PRKCB: variants seen among roughly 807,000 people sequenced by gnomAD.
The protein encoded by PRKCB is protein kinase C beta type.
PRKCB carries 13 observed loss-of-function variants against 81.5 expected under a neutral mutation model. The ratio of observed to expected loss-of-function variants is 0.16; its 90% CI spans 0.10 to 0.25. PRKCB has a LOEUF of 0.25. Among genes scored for constraint, PRKCB ranks in the 10% least tolerant of loss-of-function variants. PRKCB has a pLI of 1.00. For missense variants in PRKCB, 509 were observed against 875.7 expected (o/e 0.58, Z 5.29); for synonymous variants, 335 against 321.4 (o/e 1.04, Z -0.45).
At chr16:24,210,444 C>G (rs978768382) in intron 16 of PRKCB, among the ~76,000 whole-genome samples, 1 of 152,054 alleles carries the variant, frequency 6.6e-6, no homozygotes, top group African/African-American at 2.4e-5. Context: ...GCTCAAAGGC[C>G]ATTTCCTCCA....
intron 3 of PRKCB, among the ~76,000 whole-genome samples, chr16:24,000,059 T>C (rs1596505000): frequency 6.6e-6 from 1 of 152,204 alleles, no homozygotes; most frequent in Non-Finnish European, 1.5e-5. Context: ...CAACACTTTT[T>C]AAGCCTTTGT....
intron 2 of PRKCB, among the ~76,000 whole-genome samples, chr16:23,946,181 G>T (rs1964202041): frequency 6.6e-6 from 1 of 152,184 alleles, no homozygotes; most frequent in South Asian, 2.1e-4. Flanking sequence ...TCACTTCACT[G>T]GGCTGTCAGA....
At chr16:23,905,059 TAAAA>T (rs10562833) in intron 2 of PRKCB, among the ~76,000 whole-genome samples, 3 of 138,406 alleles carry the variant, frequency 2.2e-5, no homozygotes, top group Admixed American at 7.2e-5. Context: ...TTTTTTTTAA[TAAAA>T]AAAAAATAGC....
chr16:23,914,775 G>A (rs1384659711), intron 2 of PRKCB, among the ~76,000 whole-genome samples: 1 of 152,156 alleles, frequency 6.6e-6, no homozygotes, highest in Non-Finnish European at 1.5e-5. Context: ...AGATGAAGGG[G>A]GAGGAGGCTG....
chr16:23,940,677 T>C (rs1275441939), intron 2 of PRKCB, among the ~76,000 whole-genome samples: 1 of 152,086 alleles, frequency 6.6e-6, no homozygotes, highest in African/African-American at 2.4e-5. Flanking sequence ...ACAATGAATA[T>C]ATATAGCAAA....
intron 10 of PRKCB, 157 bp from the exon 11 acceptor site, chr16:24,172,113 C>A: frequency 1.6e-6 from 1 of 628,756 alleles, no homozygotes; most frequent in South Asian, 1.8e-5. Flanking sequence ...TCCAGTGACA[C>A]AAACCTTACC....
intron 2 of PRKCB, among the ~76,000 whole-genome samples, chr16:23,934,021 T>TCCATC (rs1964022246): frequency 1.4e-5 from 2 of 142,378 alleles, no homozygotes; most frequent in Admixed American, 7.1e-5. Context: ...TTCTACCCAC[T>TCCATC]CATCCATCCA....
chr16:24,002,324 CGTGCGT>C (rs751042842), intron 3 of PRKCB, among the ~76,000 whole-genome samples: 171 of 122,760 alleles, frequency 1.4e-3, no homozygotes, highest in South Asian at 8.2e-3. Context: ...TGTGTGTGTG[CGTGCGT>C]GTGTGTGTGT....
At chr16:23,856,939 A>G (rs1433028250) in intron 2 of PRKCB, among the ~76,000 whole-genome samples, 1 of 152,152 alleles carries the variant, frequency 6.6e-6, no homozygotes, top group African/African-American at 2.4e-5. Flanking sequence ...TCACTGTGAA[A>G]TATATAGAGA....
At chr16:23,892,578 G>A (rs1203812037) in intron 2 of PRKCB, among the ~76,000 whole-genome samples, 1 of 152,198 alleles carries the variant, frequency 6.6e-6, no homozygotes, top group Non-Finnish European at 1.5e-5. Flanking sequence ...CAAAGCACTT[G>A]CATTCCCATT....
At position 23,846,235 on chromosome 16, in the gene PRKCB, A is replaced by T. The variant is rs146708729; in HGVS notation, c.205+8829A>T. Among the ~76,000 whole-genome samples, 26 of 152,132 alleles carry T rather than the reference A, an allele frequency of 1.7e-4. No homozygotes were observed. In the East Asian group the frequency reaches 4.8e-3, roughly 28 times the overall value. ...TTAATATATCTTTAACAACCCTCTA[A>T]CACAAATCTGGGCACTTAGTAGATA... is the stretch of plus-strand genomic sequence containing the variant. On this transcript the variant is annotated intron_variant, in intron 2 of 16. Transcript: ENST00000643927.
chr16:23,962,377 T>A (rs1964437843), intron 2 of PRKCB, among the ~76,000 whole-genome samples: 1 of 152,248 alleles, frequency 6.6e-6, no homozygotes, highest in Non-Finnish European at 1.5e-5. Flanking sequence ...CCCATTGTGC[T>A]GCTTTTGATT....
At chr16:24,165,066 G>C (rs1214905650) in intron 10 of PRKCB, among the ~76,000 whole-genome samples, 1 of 152,022 alleles carries the variant, frequency 6.6e-6, no homozygotes, top group African/African-American at 2.4e-5. Context: ...TTTGAAACAG[G>C]GTCTCACTCT....
intron 2 of PRKCB, among the ~76,000 whole-genome samples, chr16:23,927,140 G>C (rs1027921253): frequency 1.3e-5 from 2 of 152,068 alleles, no homozygotes; most frequent in African/African-American, 4.8e-5. Context: ...TGGTGTGAGC[G>C]TAGAGTTGGG....
chr16:24,212,628 C>T (rs1461119061), intron 16 of PRKCB, among the ~76,000 whole-genome samples: 1 of 151,916 alleles, frequency 6.6e-6, no homozygotes, highest in African/African-American at 2.4e-5. Flanking sequence ...AGGCATGCAC[C>T]ACCATGCCCA....
chr16:24,014,275 G>C (rs545675194), intron 3 of PRKCB, among the ~76,000 whole-genome samples: 1 of 152,188 alleles, frequency 6.6e-6, no homozygotes, highest in Non-Finnish European at 1.5e-5. Flanking sequence ...GGGGGAGAGG[G>C]GTGGGGAGGG....
intron 5 of PRKCB, among the ~76,000 whole-genome samples, chr16:24,071,553 T>C (rs1322123455): frequency 1.3e-5 from 2 of 151,534 alleles, no homozygotes; most frequent in Non-Finnish European, 2.9e-5. Context: ...TTGAGAATGC[T>C]AGTCTAGCTC....
In PRKCB at chr16:24,218,413, G is replaced by C; in HGVS notation, c.*3597G>C. 2.0e-6 allele frequency: 2 copies of C among 985,312 alleles called. No individual in the cohort carries two copies. Among genetic ancestry groups the C allele is most frequent in the Non-Finnish European group, 2.4e-6 (2 of 829,948 alleles). 61.0% of individuals were successfully genotyped at this position (985,312 alleles called of 1,614,324 possible). ...CAAAAAGGGCAGGTGGGACATGGTAGAGATGGACCCTACCCAGGAAACAGC... is the reference window on the plus strand; with the variant it reads ...CAAAAAGGGCAGGTGGGACATGGTACAGATGGACCCTACCCAGGAAACAGC... On this transcript the variant is annotated 3_prime_UTR_variant, in exon 17 of 17. Coordinates refer to ENST00000643927, the MANE Select transcript of PRKCB (RefSeq NM_002738.7).
chr16:23,934,833 G>A (rs1328601715), intron 2 of PRKCB, among the ~76,000 whole-genome samples: 1 of 152,192 alleles, frequency 6.6e-6, no homozygotes, highest in Non-Finnish European at 1.5e-5. Flanking sequence ...GAAAGAGGAG[G>A]AGGAGGAAGC....
Sources: allele counts gnomAD v4.1 joint callset (sites outside exome capture counted in the v4.1 genomes callset), GRCh38; gene constraint gnomAD v4.1.1; transcripts MANE v1.5; gene names NCBI Gene and HGNC (gene_info 2026-07-23, HGNC 2026-07-21).